GOLGA6C: variants seen among roughly 807,000 people sequenced by gnomAD.
GOLGA6C encodes the protein golgin subfamily A member 6C.
A neutral mutation model predicts 57.5 loss-of-function variants in GOLGA6C; 3 were observed. That is an observed-to-expected ratio of 0.05 (90% CI 0.02 to 0.13). GOLGA6C has a LOEUF of 0.13. Among genes scored for constraint, GOLGA6C ranks in the 10% least tolerant of loss-of-function variants. The pLI, the probability that GOLGA6C is intolerant of heterozygous loss-of-function variation, is 1.00. For synonymous variants in GOLGA6C, 32 were observed against 203.8 expected, an observed-to-expected ratio of 0.16 and a Z score of 7.18; for missense variants, 88 against 525.6, an observed-to-expected ratio of 0.17 and a Z score of 8.14.
In GOLGA6C at chr15:75,260,616, C is replaced by T. The variant is rs1173798898; in HGVS notation, c.204+124C>T. 1.0e-5 allele frequency: 10 copies of T among 953,542 alleles called. No individual in the cohort carries two copies. The East Asian group carries it at 1.8e-4, about 18-fold the overall frequency. 59.1% of individuals were successfully genotyped at this position (953,542 alleles called of 1,614,324 possible). A position where few individuals can be genotyped will look rare whatever the true frequency, so the allele number is the denominator to read the frequency against. On this transcript the variant is annotated intron_variant, in intron 2 of 17. Transcript: ENST00000300576. ...TGAATCCTGCTTCTTCATCTGCTAG[C>T]GATCTGATTTATGGCAAGTTGCTTG...
In GOLGA6C at chr15:75,272,782, C is replaced by T. The variant is rs1269586507; in HGVS notation, c.*2583C>T. 6.6e-6 allele frequency among the ~76,000 whole-genome samples: 1 copy of T among 151,630 alleles called. No homozygotes were observed. Among genetic ancestry groups the T allele is most frequent in the East Asian group, 1.9e-4 (1 of 5,196 alleles). ...ATAACTTAAGTCTTTCTTCAAAGTG[C>T]ATGTGGTCCTTTGCAATACCTCATT... On this transcript the variant is annotated 3_prime_UTR_variant, in exon 18 of 18. Transcript: ENST00000300576.
At chr15:75,260,776 C>G (rs2070732866) in intron 2 of GOLGA6C, among the ~76,000 whole-genome samples, 1 of 138,526 alleles carries the variant, frequency 7.2e-6, no homozygotes, top group Non-Finnish European at 1.6e-5. Flanking sequence ...GCTGTAAACA[C>G]CCAGGATACC....
chr15:75,265,041 T>C (rs2070751593), intron 7 of GOLGA6C, 81 bp from the exon 8 acceptor site: 1 of 1,546,442 alleles, frequency 6.5e-7, no homozygotes, highest in Non-Finnish European at 8.8e-7. Context: ...AACCGAGTTG[T>C]ATATTGAGCC....
In GOLGA6C at chr15:75,272,749, A is replaced by C. The variant is rs1419435850; in HGVS notation, c.*2550A>C. ...AGAAAAATTAAATAGCATGTAAATC[A>C]TATAACAATAACTTAAGTCTTTCTT... On this transcript the variant is annotated 3_prime_UTR_variant, in exon 18 of 18. Coordinates refer to ENST00000300576, the MANE Select transcript of GOLGA6C (RefSeq NM_001164404.2). Among the ~76,000 whole-genome samples the C allele has an allele frequency of 6.6e-6, 1 of 151,012 alleles. No homozygotes were observed.
intron 1 of GOLGA6C, among the ~76,000 whole-genome samples, 172 bp from the exon 2 acceptor site, chr15:75,260,200 TA>T (rs899440304): frequency 1.6e-5 from 1 of 62,328 alleles, no homozygotes; most frequent in African/African-American, 8.3e-5. Context: ...CTTTTTTTTT[TA>T]GCCATAATAT....
intron 2 of GOLGA6C, among the ~76,000 whole-genome samples, chr15:75,261,880 G>C (rs1244074669): frequency 3.6e-4 from 5 of 13,724 alleles, no homozygotes; most frequent in Admixed American, 8.4e-4. Flanking sequence ...GGAGTGGTGC[G>C]ATCTCGGCTC....
intron 7 of GOLGA6C, among the ~76,000 whole-genome samples, chr15:75,264,439 G>GGTGT (rs368165570): frequency 0.11 from 13,264 of 116,990 alleles, 216 homozygotes; most frequent in Non-Finnish European, 0.14. Context: ...AGAGGAAAGG[G>GGTGT]GTGTGTGTGT....
rs2070796819 is a variant in GOLGA6C at position 75,273,017 on chromosome 15, C to CT, written c.*2819dup. Among the ~76,000 whole-genome samples, 1 of 151,936 alleles carries CT rather than the reference C, an allele frequency of 6.6e-6. No homozygotes were observed. Among genetic ancestry groups the CT allele is most frequent in the Admixed American group, 6.6e-5 (1 of 15,248 alleles). ...ATCATTTTTAAAGTATTTGTTTAACCTGATGGGTTTTCCAGAAATGAAAAC... is the reference window on the plus strand; with the variant it reads ...ATCATTTTTAAAGTATTTGTTTAACCTTGATGGGTTTTCCAGAAATGAAAAC... On this transcript the variant is annotated 3_prime_UTR_variant, in exon 18 of 18. Coordinates refer to ENST00000300576, the MANE Select transcript of GOLGA6C (RefSeq NM_001164404.2).
In GOLGA6C at chr15:75,265,169, C is replaced by T. The variant is rs2070752909; in HGVS notation, c.612C>T (p.Thr204=). Residue 204 remains threonine (T), a synonymous_variant, in exon 8 of 18, where the codon ACC becomes ACT. Transcript: ENST00000300576. ...EAVLQRRLQQ[T]IKERALLNAH... ...TCCTCCAGCGGCGGTTACAGCAGAC[C>T]ATAAAGGAGCGGGCGCTGCTGAACG... 6.3e-7 allele frequency: 1 copy of T among 1,598,204 alleles called. No individual in the cohort carries two copies. The highest frequency in any genetic ancestry group is 1.7e-5 in the Admixed American group (1 of 59,466).
At chr15:75,263,291 TG>T in intron 3 of GOLGA6C, 56 bp from the exon 4 acceptor site, 1 of 628,844 alleles carries the variant, frequency 1.6e-6, no homozygotes, top group Non-Finnish European at 2.6e-6. Flanking sequence ...CTTCCAGGTC[TG>T]GGGAATAGAG....
In GOLGA6C at chr15:75,270,177, C is replaced by T; in HGVS notation, c.2060C>T (p.Ser687Phe). The change falls in exon 18 of 18, where the codon TCT (serine) becomes TTT (phenylalanine). Residue 687 changes from serine (S) to phenylalanine (F), a missense_variant. Physicochemically the swap from Ser to Phe is radical, Grantham distance 155 (BLOSUM62 -2). Coordinates refer to ENST00000300576, the MANE Select transcript of GOLGA6C (RefSeq NM_001164404.2). ...NPPVQQIVQL[S>F]PVMQDT ...CCGGTACAGCAGATCGTGCAGCTGTCTCCTGTCATGCAGGACACCTAGGAG... is the reference window on the plus strand; with the variant it reads ...CCGGTACAGCAGATCGTGCAGCTGTTTCCTGTCATGCAGGACACCTAGGAG... The T allele has an allele frequency of 1.3e-6, 2 of 1,592,584 alleles. No individual in the cohort carries two copies. The highest frequency in any genetic ancestry group is 1.7e-6 in the Non-Finnish European group (2 of 1,174,530).
In GOLGA6C at chr15:75,266,748, G is replaced by T. The variant is rs2070765829; in HGVS notation, c.1356+135G>T. Reference sequence around the variant, plus strand: ...AGGCACCTGTGAGCTACAGCTCATCGGGCTCTGCTCTGATGGCTGTGGGGG... The same window carrying T: ...AGGCACCTGTGAGCTACAGCTCATCTGGCTCTGCTCTGATGGCTGTGGGGG... On this transcript the variant is annotated intron_variant, in intron 11 of 17. Coordinates refer to ENST00000300576, the MANE Select transcript of GOLGA6C (RefSeq NM_001164404.2). The T allele has an allele frequency of 8.9e-4, 11 of 12,300 alleles. No individual in the cohort carries two copies. The East Asian group carries it at 0.011, about 13-fold the overall frequency. 0.8% of individuals were successfully genotyped at this position (12,300 alleles called of 1,614,324 possible).
rs1226163216 is a variant in GOLGA6C, at chr15:75,273,263, A to T, written c.*3064A>T. On this transcript the variant is annotated 3_prime_UTR_variant, in exon 18 of 18. Coordinates refer to ENST00000300576, the MANE Select transcript of GOLGA6C (RefSeq NM_001164404.2). ...GAAAGAAACTGGGGGAAGGAAAAGTAGAGAAAGAAATGCCAATTCCAATGC... is the reference window on the plus strand; with the variant it reads ...GAAAGAAACTGGGGGAAGGAAAAGTTGAGAAAGAAATGCCAATTCCAATGC... Among the ~76,000 whole-genome samples, 1 of 151,924 alleles carries T rather than the reference A, an allele frequency of 6.6e-6. No homozygotes were observed. Among genetic ancestry groups the T allele is most frequent in the Admixed American group, 6.6e-5 (1 of 15,218 alleles).
chr15:75,260,724 CTTA>C (rs1441847688), intron 2 of GOLGA6C, among the ~76,000 whole-genome samples: 1 of 147,944 alleles, frequency 6.8e-6, no homozygotes, highest in Non-Finnish European at 1.5e-5. Context: ...AATGAGATTC[CTTA>C]TTGTTGTTGT....
chr15:75,258,770 C>A, intron 1 of GOLGA6C, 88 bp downstream of exon 1: 1 of 628,950 alleles, frequency 1.6e-6, no homozygotes, highest in South Asian at 1.9e-5. Flanking sequence ...CCATACCACT[C>A]CTGAGGCACA....
Position 75,273,382 on chromosome 15 carries a change from G to A in GOLGA6C, c.*3183G>A, listed in dbSNP as rs1316910827. Among the ~76,000 whole-genome samples the A allele has an allele frequency of 4.6e-5, 7 of 152,034 alleles. No individual in the cohort carries two copies. Among genetic ancestry groups the A allele is most frequent in the Non-Finnish European group, 4.4e-5 (3 of 68,048 alleles). ...ATAATAGAAATACTGAAACACTGTT[G>A]CCTAAAGTGGCATTGTTGACTGCTA... On this transcript the variant is annotated 3_prime_UTR_variant, in exon 18 of 18. Coordinates refer to ENST00000300576, the MANE Select transcript of GOLGA6C (RefSeq NM_001164404.2).
rs1228848948 is a variant in GOLGA6C, at chr15:75,272,811, C to A, written c.*2612C>A. Among the ~76,000 whole-genome samples, 2 of 151,740 alleles carry A rather than the reference C, an allele frequency of 1.3e-5. No individual in the cohort carries two copies. The highest frequency in any genetic ancestry group is 1.3e-4 in the Admixed American group (2 of 15,270). On this transcript the variant is annotated 3_prime_UTR_variant, in exon 18 of 18. Transcript: ENST00000300576. Reference sequence around the variant, plus strand: ...TGGTCCTTTGCAATACCTCATTCAGCCAAGTATTTGTTCTCTTCCTCATTC... The same window carrying A: ...TGGTCCTTTGCAATACCTCATTCAGACAAGTATTTGTTCTCTTCCTCATTC...
In GOLGA6C at chr15:75,270,309, C is replaced by T. The variant is rs1007944056; in HGVS notation, c.*110C>T. ...TAAGAGCTGGTCAAGAAATTTAAAACAACAACAACAAAAAGTTACGGGGTT... is the reference window on the plus strand; with the variant it reads ...TAAGAGCTGGTCAAGAAATTTAAAATAACAACAACAAAAAGTTACGGGGTT... On this transcript the variant is annotated 3_prime_UTR_variant, in exon 18 of 18. Coordinates refer to ENST00000300576, the MANE Select transcript of GOLGA6C (RefSeq NM_001164404.2). The T allele has an allele frequency of 1.2e-5, 18 of 1,499,060 alleles. 2 individuals are homozygous for T. In the Admixed American group the frequency reaches 3.8e-4, roughly 32 times the overall value. 92.9% of individuals were successfully genotyped at this position (1,499,060 alleles called of 1,614,324 possible).
Position 75,270,103 on chromosome 15 carries a change from G to A in GOLGA6C, c.1986G>A (p.Val662=). 6.2e-7 allele frequency: 1 copy of A among 1,602,956 alleles called. No individual in the cohort carries two copies. Among genetic ancestry groups the A allele is most frequent in the Non-Finnish European group, 8.5e-7 (1 of 1,176,700 alleles). The stretch of plus-strand genomic sequence containing the variant: ...ATGAAGTGAGCCTGGACAACAACGT[G>A]GAGCCTGCACCAGGAGCGGCCAGGG... ...DFYEVSLDNN[V]EPAPGAAREG... Residue 662 remains valine, a synonymous_variant, in exon 18 of 18, where the codon GTG becomes GTA. Coordinates refer to ENST00000300576, the MANE Select transcript of GOLGA6C (RefSeq NM_001164404.2).
Sources: allele counts gnomAD v4.1 joint callset (sites outside exome capture counted in the v4.1 genomes callset), GRCh38; gene constraint gnomAD v4.1.1; transcripts MANE v1.5; gene names NCBI Gene and HGNC (gene_info 2026-07-23, HGNC 2026-07-21).